MYO19: variants seen among roughly 807,000 people sequenced by gnomAD.
MYO19 encodes myosin XIX.
Under a neutral mutation model 129.2 loss-of-function variants are expected in MYO19, and 132 were observed. That is an observed-to-expected ratio of 1.02 (90% CI 0.89 to 1.18). The LOEUF (loss-of-function observed/expected upper bound fraction) is 1.18. Among genes scored for constraint, MYO19 ranks in the 50% most tolerant of loss-of-function variants. MYO19 has a pLI of 0.00. For synonymous variants in MYO19, 531 were observed against 477.2 expected (o/e 1.11, Z -1.47); for missense variants, 1,210 against 1,216.7 (o/e 0.99, Z 0.08).
At chr17:36,522,297 C>T (rs2073184388) in intron 6 of MYO19, among the ~76,000 whole-genome samples, 1 of 149,894 alleles carries the variant, frequency 6.7e-6, no homozygotes, top group South Asian at 2.1e-4. Flanking sequence ...ATCACGAAGT[C>T]AGGAGTTCAA....
chr17:36,508,807 G>T, intron 14 of MYO19: 1 of 518,896 alleles, frequency 1.9e-6, no homozygotes, highest in South Asian at 2.7e-5. Flanking sequence ...CTCTGGGGAG[G>T]TAAAGGGCTC....
Position 36,505,230 on chromosome 17 carries a change from T to C in MYO19, c.1905+67A>G, listed in dbSNP as rs979428817. ...TCCATTTGGAACAGATGTCCTGCCCTTCATCTCTCCAGGGCCTTGGCCAGA... is the reference window on the plus strand; with the variant it reads ...TCCATTTGGAACAGATGTCCTGCCCCTCATCTCTCCAGGGCCTTGGCCAGA... On this transcript the variant is annotated intron_variant, in intron 19 of 25. Transcript: ENST00000614623. 1.5e-5 allele frequency: 21 copies of C among 1,373,710 alleles called. No individual in the cohort carries two copies. In the Admixed American group the frequency reaches 3.2e-4, roughly 21 times the overall value. The allele number at this position is 1,373,710 out of a possible 1,614,324, so 85.1% of individuals were successfully genotyped here.
At position 36,510,844 on chromosome 17, in the gene MYO19, G is replaced by A; in HGVS notation, c.1059C>T (p.Thr353=). ...CCTGCTGCTGTCTGCCTGCCCTGATGGTTCTAATCTGCACCATCTCCAGCA... is the reference window on the plus strand; with the variant it reads ...CCTGCTGCTGTCTGCCTGCCCTGATAGTTCTAATCTGCACCATCTCCAGCA... ...DVLLEMVQIR[T]IRAGRQQQVF... The change falls in exon 13 of 26, where the codon ACC becomes ACT. Residue 353 remains threonine (T), a synonymous_variant. Coordinates refer to ENST00000614623, the MANE Select transcript of MYO19 (RefSeq NM_001163735.2). The A allele has an allele frequency of 6.3e-7, 1 of 1,581,544 alleles. No homozygotes were observed. Among genetic ancestry groups the A allele is most frequent in the Non-Finnish European group, 8.6e-7 (1 of 1,163,748 alleles).
intron 6 of MYO19, among the ~76,000 whole-genome samples, chr17:36,518,446 G>C (rs983721103): frequency 1.5e-5 from 2 of 131,866 alleles, no homozygotes; most frequent in Non-Finnish European, 3.1e-5. Flanking sequence ...AGTGAGCTGA[G>C]ATCACACCAC....
intron 7 of MYO19, 93 bp from the exon 8 acceptor site, chr17:36,515,275 G>T: frequency 8.6e-7 from 1 of 1,165,946 alleles, no homozygotes; most frequent in Non-Finnish European, 1.2e-6. Context: ...TCATGTTCCC[G>T]TGCTCAAGTC....
upstream of MYO19, among the ~76,000 whole-genome samples, chr17:36,536,037 A>G (rs2074110441): frequency 6.6e-6 from 1 of 152,134 alleles, no homozygotes; most frequent in South Asian, 2.1e-4. Flanking sequence ...TACATTTAGA[A>G]ACTCTAGGTT....
intron 6 of MYO19, among the ~76,000 whole-genome samples, chr17:36,521,341 T>C (rs1009739647): frequency 6.6e-6 from 1 of 152,134 alleles, no homozygotes. Flanking sequence ...ATATCATAAA[T>C]GTTAGAAAAA....
intron 21 of MYO19, 44 bp from the exon 22 acceptor site, chr17:36,501,279 A>G: frequency 6.4e-7 from 1 of 1,570,608 alleles, no homozygotes; most frequent in Non-Finnish European, 8.7e-7. Context: ...TCATCTCTAC[A>G]TGCCTCTGTG....
intron 19 of MYO19, chr17:36,504,991 A>T: frequency 1.9e-6 from 1 of 534,484 alleles, no homozygotes; most frequent in African/African-American, 1.9e-5. Context: ...GTGGTGATGT[A>T]GACTTTCAGC....
intron 25 of MYO19, 129 bp from the exon 26 acceptor site, chr17:36,496,535 G>A: frequency 1.2e-6 from 1 of 803,880 alleles, no homozygotes; most frequent in South Asian, 1.8e-5. Flanking sequence ...GCCACAGCAG[G>A]ATTAAAATAG....
chr17:36,534,301 G>T (rs2073997103), intron 1 of MYO19, 197 bp from the exon 2 acceptor site: 1 of 152,360 alleles, frequency 6.6e-6, no homozygotes, highest in South Asian at 2.1e-4. Context: ...GCGGGAACCG[G>T]GGACTCAAGG....
chr17:36,506,554 G>A lies in MYO19; in HGVS notation c.1699C>T (p.Leu567Phe), dbSNP rs1226114438. The A allele has an allele frequency of 6.3e-7, 1 of 1,582,528 alleles. No individual in the cohort carries two copies. Among genetic ancestry groups the A allele is most frequent in the African/African-American group, 1.4e-5 (1 of 73,162 alleles). Residue 567 changes from leucine to phenylalanine, a missense_variant, in exon 18 of 26, where the codon CTC becomes TTC. Leu to Phe is a conservative substitution (Grantham distance 22). Coordinates refer to ENST00000614623, the MANE Select transcript of MYO19 (RefSeq NM_001163735.2). Reference protein sequence around the residue: ...RLLQQSQDPLLMGLFPTNPKE... With the variant: ...RLLQQSQDPLFMGLFPTNPKE... ...GGGTTAGTAGGAAACAGCCCCATGA[G>A]CAGGGGGTCCTGGGATTGCTGCAGG...
chr17:36,525,071 G>A (rs2073378278), intron 6 of MYO19, among the ~76,000 whole-genome samples, 157 bp downstream of exon 6: 1 of 152,154 alleles, frequency 6.6e-6, no homozygotes, highest in Non-Finnish European at 1.5e-5. Context: ...CCGGCTCAGT[G>A]CTAGCCCACC....
At position 36,532,664 on chromosome 17, in the gene MYO19, G is replaced by A; in HGVS notation, c.-126C>T. 8.7e-7 allele frequency: 1 copy of A among 1,155,758 alleles called. No individual in the cohort carries two copies. Among genetic ancestry groups the A allele is most frequent in the South Asian group, 1.3e-5 (1 of 75,442 alleles). The allele number at this position is 1,155,758 out of a possible 1,614,324, so 71.6% of individuals were successfully genotyped here. ...AGGGCTCAGTTCTGGAGGAATCTCA[G>A]ACAAGTCACTCCAGCGCCTGTGGCA... is the stretch of plus-strand genomic sequence containing the variant. On this transcript the variant is annotated 5_prime_UTR_variant, in exon 3 of 26. Transcript: ENST00000614623.
intron 2 of MYO19, among the ~76,000 whole-genome samples, chr17:36,541,490 ATAGATC>A (rs1304967249): frequency 6.6e-6 from 1 of 152,224 alleles, no homozygotes; most frequent in Non-Finnish European, 1.5e-5. Context: ...TGGAGAACAG[ATAGATC>A]TCATTTATGC....
At chr17:36,510,971 C>T (rs565475421) in intron 12 of MYO19, 54 bp from the exon 13 acceptor site, 4 of 1,515,470 alleles carry the variant, frequency 2.6e-6, no homozygotes, top group East Asian at 4.9e-5. Flanking sequence ...GTCCTCTTCA[C>T]GAGGCACTGT....
upstream of MYO19, among the ~76,000 whole-genome samples, chr17:36,544,287 T>C (rs1224217228): frequency 6.6e-6 from 1 of 152,214 alleles, no homozygotes; most frequent in African/African-American, 2.4e-5. Context: ...ACTTCACTAT[T>C]TGCTGTCCCC....
In MYO19 at chr17:36,505,349, C is replaced by G; in HGVS notation, c.1853G>C (p.Arg618Pro). ...VLHSTTPHYI[R>P]CIKPNSQGQA... ...GCCCTGGCTGTTGGGCTTGATGCAG[C>G]GAATGTAGTGGGGCGTGGTGCTGTG... Residue 618 changes from arginine to proline, a missense_variant, in exon 19 of 26, where the codon CGC (arginine) becomes CCC (proline). Physicochemically the swap from Arg to Pro is moderately radical, Grantham distance 103. Transcript: ENST00000614623. 6.2e-7 allele frequency: 1 copy of G among 1,614,204 alleles called. No individual in the cohort carries two copies. The highest frequency in any genetic ancestry group is 8.5e-7 in the Non-Finnish European group (1 of 1,180,038).
intron 3 of MYO19, among the ~76,000 whole-genome samples, chr17:36,528,766 T>C (rs1599417372): frequency 6.6e-6 from 1 of 152,238 alleles, no homozygotes; most frequent in East Asian, 1.9e-4. Flanking sequence ...AAAGAAGAGA[T>C]ATACAAAGCA....
Sources: allele counts gnomAD v4.1 joint callset (sites outside exome capture counted in the v4.1 genomes callset), GRCh38; gene constraint gnomAD v4.1.1; transcripts MANE v1.5; gene names NCBI Gene and HGNC (gene_info 2026-07-23, HGNC 2026-07-21).